PTCD3: variants seen among roughly 807,000 people sequenced by gnomAD.
PTCD3 encodes the protein pentatricopeptide repeat domain 3.
Under a neutral mutation model 101.9 loss-of-function variants are expected in PTCD3, and 89 were observed. The observed-to-expected ratio is 0.87, with a 90% CI of 0.74 to 1.04. The LOEUF (loss-of-function observed/expected upper bound fraction) is 1.04, where lower values mean the gene tolerates loss of function less well. PTCD3 is among the 50% of genes least tolerant of loss of function. The pLI, the probability that PTCD3 is intolerant of heterozygous loss-of-function variation, is 0.00. For missense variants in PTCD3, 870 were observed against 828.2 expected (o/e 1.05, Z -0.62); for synonymous variants, 296 against 278.5 (o/e 1.06, Z -0.63).
chr2:86,136,483 TC>T (rs1674586396), intron 21 of PTCD3, 37 bp from the exon 22 acceptor site: 5 of 1,571,428 alleles, frequency 3.2e-6, no homozygotes, highest in Non-Finnish European at 4.4e-6. Context: ...GCCTTGTTTT[TC>T]TAATAGTATT....
rs2104456043 is a variant in PTCD3, at chr2:86,125,074, A to G, written c.796A>G (p.Met266Val). The change falls in exon 10 of 24, where the codon ATG (methionine) becomes GTG (valine). Residue 266 changes from methionine (M) to valine (V), a missense_variant. Met to Val is a conservative substitution (Grantham distance 21, BLOSUM62 1). Transcript: ENST00000254630. ...TTCCTATTGCACAATGATCCGAGGA[A>G]TGGTGAAGGTACATTTGTTTTATTT... The part of the protein sequence containing the change: ...EHSYCTMIRG[M>V]VKHRAYEQAL... 4 of 1,613,870 alleles carry G rather than the reference A, an allele frequency of 2.5e-6. No homozygotes were observed. The South Asian group carries it at 3.3e-5, about 13-fold the overall frequency.
At chr2:86,131,938 A>C (rs1170407865) in intron 16 of PTCD3, among the ~76,000 whole-genome samples, 1 of 152,196 alleles carries the variant, frequency 6.6e-6, no homozygotes, top group Non-Finnish European at 1.5e-5. Context: ...GCATACTTTC[A>C]GGGTGTTTTA....
chr2:86,119,176 A>G (rs1674236172), intron 7 of PTCD3, 132 bp downstream of exon 7: 5 of 1,143,950 alleles, frequency 4.4e-6, no homozygotes, highest in Non-Finnish European at 6.1e-6. Context: ...TGCGTGCTTT[A>G]TATTTTTAGT....
chr2:86,121,500 C>A lies in PTCD3; in HGVS notation c.560C>A (p.Thr187Lys). ...LQAGTTVSLE[T>K]TNSLLDLLCY... ...ACAGGAACCACTGTGTCTCTTGAAA[C>A]AACAAATAGTCTCTTGGATTTATTG... The change falls in exon 8 of 24, where the codon ACA (threonine) becomes AAA (lysine). Residue 187 changes from threonine to lysine, a missense_variant. Coordinates refer to ENST00000254630, the MANE Select transcript of PTCD3 (RefSeq NM_017952.6). 6.2e-7 allele frequency: 1 copy of A among 1,604,246 alleles called. No individual in the cohort carries two copies. Among genetic ancestry groups the A allele is most frequent in the Non-Finnish European group, 8.5e-7 (1 of 1,176,490 alleles).
Position 86,117,049 on chromosome 2 carries a change from A to C in PTCD3, c.310-6A>C. On this transcript the variant is annotated splice_region_variant and splice_polypyrimidine_tract_variant and intron_variant, in intron 5 of 23. Transcript: ENST00000254630. ...TACATGTATTTAAATCTTTTTCTTT[A>C]TATAGCGTTCATTTTTACTGGCAAA... The C allele has an allele frequency of 9.2e-7, 1 of 1,081,292 alleles. No homozygotes were observed. Among genetic ancestry groups the C allele is most frequent in the East Asian group, 2.4e-5 (1 of 42,352 alleles). 67.0% of individuals were successfully genotyped at this position (1,081,292 alleles called of 1,614,324 possible).
chr2:86,128,030 A>AT, intron 14 of PTCD3, 39 bp downstream of exon 14: 1 of 1,468,968 alleles, frequency 6.8e-7, no homozygotes, highest in Middle Eastern at 1.7e-4. Flanking sequence ...TATATAGAAA[A>AT]TTGACCAGCT....
Position 86,136,510 on chromosome 2 carries a change from T to A in PTCD3, c.1779-11T>A. 1 of 1,605,766 alleles carries A rather than the reference T, an allele frequency of 6.2e-7. No individual in the cohort carries two copies. Among genetic ancestry groups the A allele is most frequent in the South Asian group, 1.1e-5 (1 of 90,914 alleles). On this transcript the variant is annotated splice_polypyrimidine_tract_variant and intron_variant, in intron 21 of 23. Coordinates refer to ENST00000254630, the MANE Select transcript of PTCD3 (RefSeq NM_017952.6). ...TAATAGTATTCATAATCTTTTTCCT[T>A]TCTTGAGCAGGAAAATGTTGGGGCT...
intron 4 of PTCD3, among the ~76,000 whole-genome samples, chr2:86,113,689 C>T (rs1025141869): frequency 4.6e-5 from 7 of 151,992 alleles, no homozygotes; most frequent in African/African-American, 1.4e-4. Context: ...CGCCTGTAGT[C>T]CCAGCTACTT....
At chr2:86,115,111 A>G (rs902738647) in intron 4 of PTCD3, among the ~76,000 whole-genome samples, 1 of 152,184 alleles carries the variant, frequency 6.6e-6, no homozygotes, top group African/African-American at 2.4e-5. Context: ...GGCACAGTGA[A>G]CCATTCTTAG....
At chr2:86,135,842 A>G (rs755574069) in intron 21 of PTCD3, 1 of 494,912 alleles carries the variant, frequency 2.0e-6, no homozygotes, top group East Asian at 5.8e-5. Context: ...TTGTTAGCGC[A>G]GGCAGTTTGG....
intron 1 of PTCD3, among the ~76,000 whole-genome samples, chr2:86,107,362 C>T (rs1673977423): frequency 6.6e-6 from 1 of 152,194 alleles, no homozygotes; most frequent in Non-Finnish European, 1.5e-5. Flanking sequence ...GAGTTGATCT[C>T]TTTCTGAAAT....
chr2:86,127,066 A>C, intron 12 of PTCD3, 95 bp from the exon 13 acceptor site: 2 of 1,153,978 alleles, frequency 1.7e-6, no homozygotes, highest in Non-Finnish European at 2.4e-6. Flanking sequence ...TTTAAACATA[A>C]GCAAGAAAGC....
At chr2:86,136,698 G>A in intron 22 of PTCD3, 136 bp downstream of exon 22, 1 of 1,008,068 alleles carries the variant, frequency 9.9e-7, no homozygotes, top group Non-Finnish European at 1.5e-6. Flanking sequence ...TACTATCCAG[G>A]GCATCCTGAG....
intron 3 of PTCD3, chr2:86,108,811 T>C (rs1471850881): frequency 8.7e-6 from 3 of 345,276 alleles, no homozygotes; most frequent in African/African-American, 6.3e-5. Flanking sequence ...TACATGGTTA[T>C]ACATGAACAT....
chr2:86,132,282 G>T (rs1559515), intron 16 of PTCD3, 36 bp from the exon 17 acceptor site: 1,042,047 of 1,279,786 alleles, frequency 0.81, 430,927 homozygotes, highest in Non-Finnish European at 0.84. Context: ...GGCTGACAGG[G>T]TATCAGAGTG....
intron 16 of PTCD3, 101 bp downstream of exon 16, chr2:86,131,207 T>G (rs1360324911): frequency 2.3e-6 from 2 of 877,428 alleles, no homozygotes; most frequent in East Asian, 6.0e-5. Flanking sequence ...CTTCTGTTCA[T>G]GTCTTTGCTT....
At chr2:86,119,143 T>C (rs1674235555) in intron 7 of PTCD3, 99 bp downstream of exon 7, 1 of 1,452,176 alleles carries the variant, frequency 6.9e-7, no homozygotes, top group Admixed American at 2.2e-5. Flanking sequence ...CAGGTCCTGC[T>C]GTACTTACTC....
intron 21 of PTCD3, 149 bp from the exon 22 acceptor site, chr2:86,136,372 A>G (rs1410576986): frequency 2.7e-6 from 2 of 729,304 alleles, no homozygotes; most frequent in African/African-American, 3.5e-5. Flanking sequence ...GCTGGGAGCT[A>G]GTAGAGCCCA....
chr2:86,110,837 T>C (rs1674064648), intron 3 of PTCD3: 4 of 649,762 alleles, frequency 6.2e-6, no homozygotes, highest in South Asian at 4.7e-5. Flanking sequence ...GTAGGCCAGA[T>C]AGTTTTATGA....
Sources: gnomAD v4.1 joint callset for allele counts (sites outside exome capture counted in the v4.1 genomes callset) on GRCh38, gnomAD v4.1.1 for gene constraint, MANE v1.5 for transcripts, NCBI Gene and HGNC (gene_info 2026-07-23, HGNC 2026-07-21) for gene names.